THAP6: variants seen among roughly 807,000 people sequenced by gnomAD.
The protein encoded by THAP6 is THAP domain-containing protein 6.
Under a neutral mutation model 20.0 loss-of-function variants are expected in THAP6, and 13 were observed. The observed-to-expected ratio is 0.65, with a 90% CI of 0.42 to 1.03. The LOEUF (loss-of-function observed/expected upper bound fraction) is 1.03. Ranked by LOEUF, THAP6 falls within the 50% of genes least tolerant of loss-of-function variation. THAP6 has a pLI of 0.00. For missense variants in THAP6, 262 were observed against 261.6 expected, an observed-to-expected ratio of 1.00 and a Z score of -0.01; for synonymous variants, 93 against 92.2, an observed-to-expected ratio of 1.01 and a Z score of -0.05.
chr4:75,520,817 A>G (rs1441038682), intron 3 of THAP6, among the ~76,000 whole-genome samples: 1 of 152,140 alleles, frequency 6.6e-6, no homozygotes, highest in Non-Finnish European at 1.5e-5. Context: ...CGTTGGTATA[A>G]GTTGTGTTTG....
intron 3 of THAP6, among the ~76,000 whole-genome samples, chr4:75,518,371 T>C (rs1725797886): frequency 6.6e-6 from 1 of 152,270 alleles, no homozygotes; most frequent in South Asian, 2.1e-4. Flanking sequence ...TATCCGTAAA[T>C]ATGCATCTAT....
rs746376405 is a variant in THAP6, at chr4:75,526,911, T to C, written c.415-49T>C. On this transcript the variant is annotated intron_variant, in intron 4 of 4. Transcript: ENST00000311638. ...GCTTAGACCTAGTTATAAGCTTTTA[T>C]CCAACTACATATCTGTCTGATTTAA... The C allele has an allele frequency of 3.8e-6, 6 of 1,583,416 alleles. No homozygotes were observed. In the South Asian group the frequency reaches 6.9e-5, roughly 18 times the overall value.
chr4:75,523,443 T>G (rs575956739), intron 4 of THAP6, among the ~76,000 whole-genome samples: 31 of 152,264 alleles, frequency 2.0e-4, no homozygotes, highest in African/African-American at 7.5e-4. Flanking sequence ...GTGCAGAAGC[T>G]TTTTAACTTG....
At chr4:75,539,784 G>T in intron 2 of THAP6, 10 of 1,524,298 alleles carry the variant, frequency 6.6e-6, no homozygotes, top group South Asian at 6.1e-5. Flanking sequence ...ATTTCATTGC[G>T]TATAAAACGT....
At chr4:75,546,844 C>G (rs1727137833) in intron 3 of THAP6, among the ~76,000 whole-genome samples, 1 of 152,182 alleles carries the variant, frequency 6.6e-6, no homozygotes, top group Non-Finnish European at 1.5e-5. Context: ...CATCCGTTTA[C>G]TCAAAGCCCA....
chr4:75,531,925 T>C (rs1726693416), downstream of THAP6, among the ~76,000 whole-genome samples: 1 of 152,032 alleles, frequency 6.6e-6, no homozygotes, highest in Non-Finnish European at 1.5e-5. Context: ...ACATGGGAAT[T>C]ATGGGAGCTA....
chr4:75,521,879 T>G lies in THAP6; in HGVS notation c.414+18T>G. 6.2e-7 allele frequency: 1 copy of G among 1,613,178 alleles called. No homozygotes were observed. Among genetic ancestry groups the G allele is most frequent in the Non-Finnish European group, 8.5e-7 (1 of 1,179,404 alleles). On this transcript the variant is annotated intron_variant, in intron 4 of 4. Coordinates refer to ENST00000311638, the MANE Select transcript of THAP6 (RefSeq NM_144721.6). ...TCATTTTTGTAAGTAAATTACTTGC[T>G]GAGCTCATGTTAATTCTTTTAAGAT...
chr4:75,542,509 C>T (rs1389080217), intron 3 of THAP6: 1 of 700,332 alleles, frequency 1.4e-6, no homozygotes, highest in South Asian at 1.5e-5. Flanking sequence ...ATTCAAAGCA[C>T]TTAAACTTTA....
rs747962681 is a variant in THAP6 at position 75,516,767 on chromosome 4, T to C, written c.81-5T>C. On this transcript the variant is annotated splice_polypyrimidine_tract_variant and splice_region_variant and intron_variant, in intron 2 of 4. Coordinates refer to ENST00000311638, the MANE Select transcript of THAP6 (RefSeq NM_144721.6). ...TTTAAAATATTTTTTGTATTTTTTT[T>C]CTAGATTCCCCACAGATGAAAACAT... is the stretch of plus-strand genomic sequence containing the variant. 2.4e-5 allele frequency: 38 copies of C among 1,606,358 alleles called. No individual in the cohort carries two copies. The Admixed American group carries it at 6.3e-4, about 27-fold the overall frequency.
chr4:75,538,385 A>G (rs1236166578), intron 2 of THAP6, among the ~76,000 whole-genome samples: 2 of 77,194 alleles, frequency 2.6e-5, no homozygotes, highest in African/African-American at 1.1e-4. Flanking sequence ...CAGTATTGTG[A>G]AAAAAAAAAA....
At chr4:75,514,235 G>A, upstream of THAP6, 4 of 1,612,806 alleles carry the variant, frequency 2.5e-6, no homozygotes, top group Non-Finnish European at 3.4e-6. Context: ...TCGCAGCCCC[G>A]CTGACCTCGC....
At chr4:75,523,556 C>T (rs1726168893) in intron 4 of THAP6, among the ~76,000 whole-genome samples, 1 of 152,078 alleles carries the variant, frequency 6.6e-6, no homozygotes, top group Non-Finnish European at 1.5e-5. Flanking sequence ...GTAATCCCAG[C>T]ACTTTGGGAG....
chr4:75,517,755 AAAAG>A (rs1725755450), intron 3 of THAP6: 1 of 152,310 alleles, frequency 6.6e-6, no homozygotes, highest in Admixed American at 6.5e-5. Context: ...AAAGGTCAGG[AAAAG>A]AAAGAACAGT....
chr4:75,531,761 C>T (rs904347581), downstream of THAP6, among the ~76,000 whole-genome samples: 1 of 151,046 alleles, frequency 6.6e-6, no homozygotes, highest in Non-Finnish European at 1.5e-5. Context: ...GCAAAAAGAG[C>T]TTCTGCAGAG....
intron 2 of THAP6, among the ~76,000 whole-genome samples, chr4:75,516,256 G>A (rs1297782211): frequency 1.3e-5 from 2 of 152,158 alleles, no homozygotes; most frequent in African/African-American, 4.8e-5. Flanking sequence ...TCTCAAAATA[G>A]CTCTGATCTC....
rs1725686046 is a variant in THAP6 at position 75,516,885 on chromosome 4, A to C, written c.194A>C (p.His65Pro). The change falls in exon 3 of 5, where the codon CAC (histidine) becomes CCC (proline). Residue 65 changes from histidine to proline, a missense_variant. Coordinates refer to ENST00000311638, the MANE Select transcript of THAP6 (RefSeq NM_144721.6). ...PKKGDVLCSR[H>P]FKKTDFDRSA... ...AAAGGAGATGTGTTGTGTTCGAGGC[A>C]CTTTAAGAAGACAGATTTTGACAGA... The C allele has an allele frequency of 6.2e-7, 1 of 1,614,028 alleles. No individual in the cohort carries two copies. Among genetic ancestry groups the C allele is most frequent in the African/African-American group, 1.3e-5 (1 of 74,910 alleles).
chr4:75,523,359 C>T (rs1726154092), intron 4 of THAP6, among the ~76,000 whole-genome samples: 1 of 152,136 alleles, frequency 6.6e-6, no homozygotes, highest in African/African-American at 2.4e-5. Context: ...AATCCCTTGT[C>T]AGATGGATAG....
intron 3 of THAP6, among the ~76,000 whole-genome samples, chr4:75,519,484 CG>C (rs1725876750): frequency 6.8e-6 from 1 of 147,750 alleles, no homozygotes; most frequent in Admixed American, 6.8e-5. Context: ...CCCCCTCCCC[CG>C]ACCCCACCAC....
In THAP6 at chr4:75,527,345, AGTT is replaced by A; in HGVS notation, c.*135_*137del. Reference sequence around the variant, plus strand: ...GATTCTCTGGAGCATTATGCATTATAGTTGTTATCCAAAGACTTTTTTGAAAAT... The same window carrying A: ...GATTCTCTGGAGCATTATGCATTATAGTTATCCAAAGACTTTTTTGAAAAT... On this transcript the variant is annotated 3_prime_UTR_variant, in exon 5 of 5. Transcript: ENST00000311638. 1 of 1,472,690 alleles carries A rather than the reference AGTT, an allele frequency of 6.8e-7. No homozygotes were observed. The highest frequency in any genetic ancestry group is 9.0e-7 in the Non-Finnish European group (1 of 1,113,874). The allele number at this position is 1,472,690 out of a possible 1,614,324, so 91.2% of individuals were successfully genotyped here.
Sources: allele counts gnomAD v4.1 joint callset (sites outside exome capture counted in the v4.1 genomes callset), GRCh38; gene constraint gnomAD v4.1.1; transcripts MANE v1.5; gene names NCBI Gene and HGNC (gene_info 2026-07-23, HGNC 2026-07-21).